The following BATF2 variants were observed in gnomAD, a reference collection of about 807,000 sequenced individuals.
The protein encoded by BATF2 is basic leucine zipper ATF-like transcription factor 2.
Under a neutral mutation model 7.3 loss-of-function variants are expected in BATF2, and 4 were observed. That is an observed-to-expected ratio of 0.55 (90% CI 0.27 to 1.26). The LOEUF is 1.26. Ranked by LOEUF, BATF2 falls within the 50% of genes most tolerant of loss-of-function variation. The pLI, the probability that BATF2 is intolerant of heterozygous loss-of-function variation, is 0.11. For missense variants in BATF2, 295 were observed against 340.5 expected (o/e 0.87, Z 1.05); for synonymous variants, 152 against 153.9 (o/e 0.99, Z 0.09).
Position 64,988,436 on chromosome 11 carries a change from C to A in BATF2, c.*693G>T, listed in dbSNP as rs1228794580. ...TTTGGGAACAGCCTGGAAAGCTGACCCTGCAGAATCTCCCAGAAGCCTTGG... is the reference window on the plus strand; with the variant it reads ...TTTGGGAACAGCCTGGAAAGCTGACACTGCAGAATCTCCCAGAAGCCTTGG... On this transcript the variant is annotated 3_prime_UTR_variant, in exon 3 of 3. Transcript: ENST00000301887. The A allele has an allele frequency of 6.6e-6, 1 of 152,124 alleles. No homozygotes were observed. Among genetic ancestry groups the A allele is most frequent in the Non-Finnish European group, 1.5e-5 (1 of 68,074 alleles). The allele number at this position is 152,124 out of a possible 1,614,324, so 9.4% of individuals were successfully genotyped here.
rs1946115006 is a variant in BATF2, at chr11:64,996,966, C to A, written c.-52G>T. ...CCTCAGCAGCTGTGACTTCCCAGTG[C>A]CCTCTGGAGGCCTAAGGAAGTGGCA... On this transcript the variant is annotated 5_prime_UTR_variant, in exon 1 of 3. Coordinates refer to ENST00000301887, the MANE Select transcript of BATF2 (RefSeq NM_138456.4). 2 of 1,515,442 alleles carry A rather than the reference C, an allele frequency of 1.3e-6. No homozygotes were observed. The highest frequency in any genetic ancestry group is 1.8e-6 in the Non-Finnish European group (2 of 1,127,936). The allele number at this position is 1,515,442 out of a possible 1,614,324, so 93.9% of individuals were successfully genotyped here. A position where few individuals can be genotyped will look rare whatever the true frequency, so the allele number is the denominator to read the frequency against.
chr11:64,989,891 G>A lies in BATF2; in HGVS notation c.142-79C>T. On this transcript the variant is annotated intron_variant, in intron 2 of 2. Transcript: ENST00000301887. This position sits in a 1 kb window ranked among gnomAD's most constrained non-coding sequence, Gnocchi z 4.3. ...CGCATGAGCCTTAGCCCCTTCCAGG[G>A]TCCTCAACTTCAGGAGAAAGATGCC... The A allele has an allele frequency of 6.6e-7, 1 of 1,522,016 alleles. No homozygotes were observed. Among genetic ancestry groups the A allele is most frequent in the South Asian group, 1.2e-5 (1 of 85,532 alleles). The allele number at this position is 1,522,016 out of a possible 1,614,324, so 94.3% of individuals were successfully genotyped here. A position where few individuals can be genotyped will look rare whatever the true frequency, so the allele number is the denominator to read the frequency against.
At position 64,991,350 on chromosome 11, in the gene BATF2, T is replaced by C. The variant is rs370336053; in HGVS notation, c.142-1538A>G. Among the ~76,000 whole-genome samples the C allele has an allele frequency of 2.4e-3, 368 of 151,282 alleles. 4 individuals are homozygous for C. The highest frequency in any genetic ancestry group is 8.3e-3 in the African/African-American group (342 of 41,242). On this transcript the variant is annotated intron_variant, in intron 2 of 2. Transcript: ENST00000301887. ...TTTTGTATTTTTACTAGAGATGGGGTTTCACCATGTTGGTCAGGCTGGTCT... is the reference window on the plus strand; with the variant it reads ...TTTTGTATTTTTACTAGAGATGGGGCTTCACCATGTTGGTCAGGCTGGTCT...
At chr11:64,991,178 A>C (rs1946074523) in intron 2 of BATF2, among the ~76,000 whole-genome samples, 1 of 128,926 alleles carries the variant, frequency 7.8e-6, no homozygotes, top group South Asian at 2.5e-4. Flanking sequence ...TTTTTTTGAG[A>C]CAGAGTTTTG....
rs75135680 is a variant in BATF2, at chr11:64,996,924, G to C, written c.-10C>G. 1 of 1,591,746 alleles carries C rather than the reference G, an allele frequency of 6.3e-7. No individual in the cohort carries two copies. The highest frequency in any genetic ancestry group is 8.6e-7 in the Non-Finnish European group (1 of 1,167,872). On this transcript the variant is annotated 5_prime_UTR_variant, in exon 1 of 3. Transcript: ENST00000301887. Reference sequence around the variant, plus strand: ...CCCCACAGAGGTGCATGGCTTAGGCGGGGGAGCAGAGTGGTCCCTCAGCAG... The same window carrying C: ...CCCCACAGAGGTGCATGGCTTAGGCCGGGGAGCAGAGTGGTCCCTCAGCAG...
intron 1 of BATF2, among the ~76,000 whole-genome samples, chr11:64,994,983 G>A (rs1285661296): frequency 6.6e-6 from 1 of 152,056 alleles, no homozygotes; most frequent in African/African-American, 2.4e-5. Flanking sequence ...CAAGTAGCTG[G>A]GACTACAGGC....
chr11:64,994,517 CT>C lies in BATF2; in HGVS notation c.71del (p.Lys24SerfsTer286). 1 of 1,604,122 alleles carries C rather than the reference CT, an allele frequency of 6.2e-7. No individual in the cohort carries two copies. The highest frequency in any genetic ancestry group is 2.2e-5 in the East Asian group (1 of 44,548). On this transcript the variant is annotated frameshift_variant, in exon 2 of 3. Coordinates refer to ENST00000301887, the MANE Select transcript of BATF2 (RefSeq NM_138456.4). LOFTEE classifies it high-confidence loss of function. ...DPKEQQRQLKKQKNRAAAQRS... is the reference protein window; with the variant it reads ...DPKEQQRQLKXQKNRAAAQRS... ...GCTGGGCGGCTGCCCGGTTCTTCTG[CT>C]TCTTCAGCTGCCTTTGTTGCTCCTT...
Position 64,989,344 on chromosome 11 carries a change from C to T in BATF2, c.610G>A (p.Ala204Thr). 2.5e-6 allele frequency: 4 copies of T among 1,571,210 alleles called. No homozygotes were observed. Among genetic ancestry groups the T allele is most frequent in the Non-Finnish European group, 3.5e-6 (4 of 1,158,188 alleles). ...TCCAGCTCGAGGGGCTGTGGAGGGG[C>T]AGTTTGGGCCGTGAGGCTGGGCTGG... ...ALQPSLTAQT[A>T]PPQPLELEHP... The change falls in exon 3 of 3, where the codon GCC becomes ACC. Residue 204 changes from alanine (A) to threonine (T), a missense_variant. By Grantham distance (58) the Ala-to-Thr change is moderately conservative (BLOSUM62 0). Coordinates refer to ENST00000301887, the MANE Select transcript of BATF2 (RefSeq NM_138456.4). This position sits in a 1 kb window ranked among gnomAD's most constrained non-coding sequence, Gnocchi z 4.3.
intron 2 of BATF2, among the ~76,000 whole-genome samples, chr11:64,991,944 C>A (rs1590720799): frequency 6.6e-6 from 1 of 152,322 alleles, no homozygotes; most frequent in African/African-American, 2.4e-5. Flanking sequence ...AGCACTGTGT[C>A]ATTTGTCCGC....
chr11:64,995,289 C>T (rs1048642756), intron 1 of BATF2, among the ~76,000 whole-genome samples: 5 of 152,230 alleles, frequency 3.3e-5, no homozygotes, highest in African/African-American at 1.2e-4. Context: ...CTTCTCATTG[C>T]CATGATTTCC....
chr11:64,989,602 G>T lies in BATF2; in HGVS notation c.352C>A (p.Arg118=). The change falls in exon 3 of 3, where the codon CGG becomes AGG. Residue 118 remains arginine (R), a synonymous_variant. Transcript: ENST00000301887. The surrounding 1 kb of genome is among the most constrained non-coding windows in gnomAD (Gnocchi z 4.3). ...GTCTGGAACAGCTCCAGCTGCTCCC[G>T]GCAGCCATGTTGTCCCTGTGGGCCA... The part of the protein sequence containing the change: ...GPGPQGQHGC[R]EQLELFQTPG... 6.2e-7 allele frequency: 1 copy of T among 1,605,596 alleles called. No homozygotes were observed. Among genetic ancestry groups the T allele is most frequent in the Non-Finnish European group, 8.5e-7 (1 of 1,176,444 alleles).
intron 2 of BATF2, among the ~76,000 whole-genome samples, chr11:64,992,176 C>T (rs1452832599): frequency 6.6e-6 from 1 of 152,118 alleles, no homozygotes; most frequent in Non-Finnish European, 1.5e-5. Context: ...AATTAGCTAC[C>T]ACATCCCTGT....
rs1946051220 is a variant in BATF2, at chr11:64,989,282, G to A, written c.672C>T (p.Asp224=). The A allele has an allele frequency of 6.3e-7, 1 of 1,598,168 alleles. No individual in the cohort carries two copies. The highest frequency in any genetic ancestry group is 1.1e-5 in the South Asian group (1 of 88,862). ...CAAGCCCCAGGGCAGAGGAAGGGTT[G>A]TCGGGAGAGGACCCCAGCTTCCCTC... ...PTRGKLGSSP[D]NPSSALGLAR... is the part of the protein sequence containing the mutation. The change falls in exon 3 of 3, where the codon GAC becomes GAT. Residue 224 remains aspartate, a synonymous_variant. Transcript: ENST00000301887. This position sits in a 1 kb window ranked among gnomAD's most constrained non-coding sequence, Gnocchi z 4.3.
At chr11:64,994,351 G>T in intron 2 of BATF2, 97 bp downstream of exon 2, 1 of 1,196,094 alleles carries the variant, frequency 8.4e-7, no homozygotes, top group Non-Finnish European at 1.2e-6. Context: ...AAATACAGGA[G>T]TTTGGGGGAG....
intron 1 of BATF2, 38 bp downstream of exon 1, chr11:64,996,838 C>T: frequency 3.7e-6 from 6 of 1,611,888 alleles, no homozygotes; most frequent in Non-Finnish European, 5.1e-6. Context: ...GATCCCAGCT[C>T]CCCTTCTCAT....
rs751200207 is a variant in BATF2, at chr11:64,989,102, G to T, written c.*27C>A. ...AAGGCTGCTTCCTGAGCCCAAAGAAGGGGCCAACCCAGCTCCGAAGACCAG... is the reference window on the plus strand; with the variant it reads ...AAGGCTGCTTCCTGAGCCCAAAGAATGGGCCAACCCAGCTCCGAAGACCAG... On this transcript the variant is annotated 3_prime_UTR_variant, in exon 3 of 3. Transcript: ENST00000301887. The surrounding 1 kb of genome is among the most constrained non-coding windows in gnomAD (Gnocchi z 4.3). The T allele has an allele frequency of 1.2e-6, 2 of 1,612,654 alleles. No individual in the cohort carries two copies. Among genetic ancestry groups the T allele is most frequent in the Middle Eastern group, 3.3e-4 (2 of 6,062 alleles).
At chr11:64,990,437 G>A in intron 2 of BATF2, 1 of 1,317,062 alleles carries the variant, frequency 7.6e-7, no homozygotes, top group Non-Finnish European at 9.8e-7. Context: ...TATTGCCACT[G>A]CCCTTTTGAG....
Position 64,989,967 on chromosome 11 carries a change from C to A in BATF2, c.142-155G>T. On this transcript the variant is annotated intron_variant, in intron 2 of 2. Coordinates refer to ENST00000301887, the MANE Select transcript of BATF2 (RefSeq NM_138456.4). The surrounding 1 kb of genome is among the most constrained non-coding windows in gnomAD (Gnocchi z 4.3). The stretch of plus-strand genomic sequence containing the variant: ...GTCTCTTGGCCACTCTCTGGCCAGC[C>A]CTTCATAACCACCTACCAAGTCTCC... 2 of 1,468,984 alleles carry A rather than the reference C, an allele frequency of 1.4e-6. No individual in the cohort carries two copies. The highest frequency in any genetic ancestry group is 1.9e-6 in the Non-Finnish European group (2 of 1,075,286). 91.0% of individuals were successfully genotyped at this position (1,468,984 alleles called of 1,614,324 possible). A position where few individuals can be genotyped will look rare whatever the true frequency, so the allele number is the denominator to read the frequency against.
At chr11:64,993,340 C>T (rs1054981031) in intron 2 of BATF2, among the ~76,000 whole-genome samples, 1 of 152,282 alleles carries the variant, frequency 6.6e-6, no homozygotes, top group Middle Eastern at 3.4e-3. Flanking sequence ...GTCTGGGCAA[C>T]AGAGTGAGAC....
Sources: gnomAD v4.1 joint callset for allele counts (sites outside exome capture counted in the v4.1 genomes callset) on GRCh38, gnomAD v4.1.1 for gene constraint, Gnocchi (gnomAD v3.1) non-coding constraint, MANE v1.5 for transcripts, NCBI Gene and HGNC (gene_info 2026-07-23, HGNC 2026-07-21) for gene names.